ITPR1: variants seen among roughly 807,000 people sequenced by gnomAD.
The protein encoded by ITPR1 is inositol 1,4,5-trisphosphate-gated calcium channel ITPR1.
In ITPR1, 96 loss-of-function variants were observed where a neutral mutation model predicts 318.4. The ratio of observed to expected loss-of-function variants is 0.30; its 90% CI spans 0.26 to 0.36. The LOEUF is 0.36. Among genes scored for constraint, ITPR1 ranks in the 10% least tolerant of loss-of-function variants. The probability of loss-of-function intolerance (pLI) is 1.00; values close to 1 mark genes in which losing one functional copy is unlikely to be tolerated. For missense variants in ITPR1, 2,440 were observed against 3,460.2 expected (o/e 0.71, Z 7.40); for synonymous variants, 1,312 against 1,289.9 (o/e 1.02, Z -0.37).
chr3:4,691,219 G>A lies in ITPR1; in HGVS notation c.3904G>A (p.Val1302Ile). 1.2e-6 allele frequency: 2 copies of A among 1,613,296 alleles called. No homozygotes were observed. The highest frequency in any genetic ancestry group is 1.1e-5 in the South Asian group (1 of 90,958). ...QLCSEINERV[V>I]QHFVHCIETH... ...TTGCAGTGAGATCAACGAGAGAGTTGTTCAGCACTTCGTTCACTGCATAGA... is the reference window on the plus strand; with the variant it reads ...TTGCAGTGAGATCAACGAGAGAGTTATTCAGCACTTCGTTCACTGCATAGA... The change falls in exon 32 of 62, where the codon GTT becomes ATT. Residue 1302 changes from valine (V) to isoleucine (I), a missense_variant. Transcript: ENST00000649015.
chr3:4,834,692 G>A (rs1176818238), intron 60 of ITPR1, among the ~76,000 whole-genome samples: 1 of 152,200 alleles, frequency 6.6e-6, no homozygotes, highest in Non-Finnish European at 1.5e-5. Flanking sequence ...TGACACAGGA[G>A]AGATGAGTAC....
rs2087233659 is a variant in ITPR1 at position 4,566,220 on chromosome 3, C to T, written c.163+45126C>T. On this transcript the variant is annotated intron_variant, in intron 4 of 61. Transcript: ENST00000649015. The stretch of plus-strand genomic sequence containing the variant: ...TTTGGAAACTGAACCTCAGATTTTT[C>T]CAGGGCTGTATTCATTCCTTCCCCT... Among the ~76,000 whole-genome samples the T allele has an allele frequency of 9.2e-5, 14 of 152,146 alleles. No homozygotes were observed. The South Asian group carries it at 2.9e-3, about 31-fold the overall frequency.
chr3:4,799,402 T>G (rs1038875144), intron 53 of ITPR1, among the ~76,000 whole-genome samples: 4 of 152,174 alleles, frequency 2.6e-5, no homozygotes, highest in African/African-American at 9.7e-5. Flanking sequence ...GTGGCTGGGC[T>G]GGGGGGAACA....
intron 44 of ITPR1, among the ~76,000 whole-genome samples, chr3:4,760,557 C>CT (rs931638817): frequency 2.6e-5 from 4 of 152,202 alleles, no homozygotes; most frequent in African/African-American, 9.7e-5. Context: ...TTCCTACAAA[C>CT]TGAGTGGCTT....
intron 60 of ITPR1, among the ~76,000 whole-genome samples, chr3:4,835,316 T>C (rs2050819010): frequency 6.6e-6 from 1 of 152,218 alleles, no homozygotes; most frequent in South Asian, 2.1e-4. Flanking sequence ...ATTTTAAATA[T>C]ATTGATGCCT....
intron 52 of ITPR1, among the ~76,000 whole-genome samples, chr3:4,794,764 G>A (rs1346174481): frequency 1.3e-5 from 2 of 152,112 alleles, no homozygotes; most frequent in African/African-American, 2.4e-5. Context: ...CCCAGATTCC[G>A]CAACTGATGG....
chr3:4,755,349 G>A (rs915033238), intron 44 of ITPR1, among the ~76,000 whole-genome samples: 17 of 151,760 alleles, frequency 1.1e-4, no homozygotes, highest in Admixed American at 2.0e-4. Flanking sequence ...CAGGAAAGGA[G>A]AGCTGTTGAG....
chr3:4,745,329 C>T (rs970852318), intron 44 of ITPR1, among the ~76,000 whole-genome samples: 2 of 152,136 alleles, frequency 1.3e-5, no homozygotes, highest in African/African-American at 4.8e-5. Context: ...TATCTTTCAA[C>T]ACAGATTCGG....
chr3:4,544,927 G>A (rs753476520), intron 4 of ITPR1, among the ~76,000 whole-genome samples: 2 of 152,088 alleles, frequency 1.3e-5, no homozygotes, highest in Non-Finnish European at 2.9e-5. Flanking sequence ...CCAAGTAGCT[G>A]GGACTATAGG....
At chr3:4,674,024 G>A (rs1166937046) in intron 21 of ITPR1, among the ~76,000 whole-genome samples, 178 bp from the exon 22 acceptor site, 1 of 152,176 alleles carries the variant, frequency 6.6e-6, no homozygotes, top group Non-Finnish European at 1.5e-5. Context: ...ACAGACAATA[G>A]GCAAGATAAA....
rs150868584 is a variant in ITPR1 at position 4,657,979 on chromosome 3, G to A, written c.997-145G>A. The A allele has an allele frequency of 2.5e-3, 1,641 of 669,738 alleles. 23 individuals carry two copies. The highest frequency in any genetic ancestry group is 0.017 in the South Asian group (724 of 43,636). 41.5% of individuals were successfully genotyped at this position (669,738 alleles called of 1,614,324 possible). ...TGCATGGCCAGTTGTCATCTTTTAG[G>A]ACTGCTCTGTAACTGTGGTCCTTTT... On this transcript the variant is annotated intron_variant, in intron 12 of 61. Transcript: ENST00000649015.
At position 4,563,856 on chromosome 3, in the gene ITPR1, AACAAAGCACC is replaced by A. The variant is rs537312358; in HGVS notation, c.163+42767_163+42776del. Among the ~76,000 whole-genome samples, 120 of 152,346 alleles carry A rather than the reference AACAAAGCACC, an allele frequency of 7.9e-4. No individual in the cohort carries two copies. The South Asian group carries it at 0.01, about 13-fold the overall frequency. On this transcript the variant is annotated intron_variant, in intron 4 of 61. Transcript: ENST00000649015. ...TTTATTCGTTTGCTAGGGTTGCTGC[AACAAAGCACC>A]ACAAGCTGAATGGCTTGAACGACAG...
chr3:4,800,347 A>G, intron 53 of ITPR1, 78 bp from the exon 54 acceptor site: 1 of 1,440,654 alleles, frequency 6.9e-7, no homozygotes, highest in Non-Finnish European at 9.5e-7. Flanking sequence ...GGAATCTGTA[A>G]CAGTGCATGT....
intron 49 of ITPR1, among the ~76,000 whole-genome samples, chr3:4,780,921 G>T (rs558820485): frequency 6.6e-6 from 1 of 152,204 alleles, no homozygotes; most frequent in East Asian, 1.9e-4. Flanking sequence ...GGCTGGCACC[G>T]GCTCTTGGGC....
In ITPR1 at chr3:4,683,783, A is replaced by G. The variant is rs1196322115; in HGVS notation, c.3483A>G (p.Glu1161=). Residue 1161 remains glutamate, a synonymous_variant, in exon 28 of 62, where the codon GAA becomes GAG. Coordinates refer to ENST00000649015, the MANE Select transcript of ITPR1 (RefSeq NM_001378452.1). Reference sequence around the variant, plus strand: ...TGGATGGTGCATCTGGAGAAAATGAACATAAGAAAACGGAGGTGAGTGAAA... The same window carrying G: ...TGGATGGTGCATCTGGAGAAAATGAGCATAAGAAAACGGAGGTGAGTGAAA... ...ETMDGASGEN[E]HKKTEEGNNK... is the part of the protein sequence containing the mutation. 1 of 1,613,764 alleles carries G rather than the reference A, an allele frequency of 6.2e-7. No individual in the cohort carries two copies. The highest frequency in any genetic ancestry group is 8.5e-7 in the Non-Finnish European group (1 of 1,179,700).
At chr3:4,528,167 C>G (rs2083132804) in intron 4 of ITPR1, among the ~76,000 whole-genome samples, 3 of 152,200 alleles carry the variant, frequency 2.0e-5, no homozygotes, top group African/African-American at 7.2e-5. Context: ...GTGATTTCGT[C>G]TCTCTTAGCC....
chr3:4,521,945 T>G (rs2082602475), intron 4 of ITPR1, among the ~76,000 whole-genome samples: 1 of 152,256 alleles, frequency 6.6e-6, no homozygotes, highest in Non-Finnish European at 1.5e-5. Context: ...GTTTTTTCTT[T>G]AGGCCTCCTG....
intron 24 of ITPR1, among the ~76,000 whole-genome samples, chr3:4,678,848 T>C (rs979119105): frequency 6.6e-6 from 1 of 152,026 alleles, no homozygotes; most frequent in Non-Finnish European, 1.5e-5. Flanking sequence ...AGCAGAGACA[T>C]AGAGTGTGCT....
At position 4,779,222 on chromosome 3, in the gene ITPR1, T is replaced by C. The variant is rs538398081; in HGVS notation, c.6292-328T>C. Among the ~76,000 whole-genome samples, 17 of 152,210 alleles carry C rather than the reference T, an allele frequency of 1.1e-4. No homozygotes were observed. Among genetic ancestry groups the C allele is most frequent in the African/African-American group, 4.8e-5 (2 of 41,446 alleles). On this transcript the variant is annotated intron_variant, in intron 48 of 61. Transcript: ENST00000649015. This position sits in a 1 kb window ranked among gnomAD's most constrained non-coding sequence, Gnocchi z 4.0. ...TTCCCAACCACTGTCACCATGAGGG[T>C]GACAGTGTATCCGTAAGCACCCACG...
Sources: allele counts gnomAD v4.1 joint callset (sites outside exome capture counted in the v4.1 genomes callset), GRCh38; gene constraint gnomAD v4.1.1; non-coding constraint Gnocchi (gnomAD v3.1); transcripts MANE v1.5; gene names NCBI Gene and HGNC (gene_info 2026-07-23, HGNC 2026-07-21).